GPM6A: variants seen among roughly 807,000 people sequenced by gnomAD.
GPM6A encodes the protein neuronal membrane glycoprotein M6-a.
GPM6A carries 7 observed loss-of-function variants against 32.1 expected under a neutral mutation model. That is an observed-to-expected ratio of 0.22 (90% confidence interval 0.12 to 0.41). The LOEUF is 0.41. Ranked by LOEUF, GPM6A falls within the 10% of genes least tolerant of loss-of-function variation. The probability of loss-of-function intolerance (pLI) is 1.00; values close to 1 mark genes in which losing one functional copy is unlikely to be tolerated. For missense variants in GPM6A, 235 were observed against 347.2 expected (o/e 0.68, Z 2.57); for synonymous variants, 130 against 123.4 (o/e 1.05, Z -0.35).
intron 1 of GPM6A, among the ~76,000 whole-genome samples, chr4:175,782,262 G>T (rs1410945931): frequency 2.0e-5 from 3 of 151,954 alleles, no homozygotes; most frequent in African/African-American, 4.8e-5. Flanking sequence ...GTTTCTCAAC[G>T]ATTTTTTTCC....
intron 3 of GPM6A, among the ~76,000 whole-genome samples, chr4:175,672,725 T>C (rs1457572168): frequency 6.6e-6 from 1 of 152,194 alleles, no homozygotes; most frequent in African/African-American, 2.4e-5. Flanking sequence ...GGTGTTACAA[T>C]AAGTTTTGTC....
intron 1 of GPM6A, among the ~76,000 whole-genome samples, chr4:175,829,946 C>T (rs1396532608): frequency 2.0e-5 from 3 of 151,864 alleles, no homozygotes; most frequent in South Asian, 2.1e-4. Flanking sequence ...TTATAATTGC[C>T]GTAATCTGGG....
chr4:175,698,143 C>A (rs1333141686), intron 2 of GPM6A, among the ~76,000 whole-genome samples: 1 of 152,046 alleles, frequency 6.6e-6, no homozygotes, highest in Non-Finnish European at 1.5e-5. Flanking sequence ...AAGTAGGTAA[C>A]TCCTCAAATC....
At chr4:175,670,280 T>C (rs1349617440) in intron 3 of GPM6A, among the ~76,000 whole-genome samples, 1 of 152,170 alleles carries the variant, frequency 6.6e-6, no homozygotes, top group African/African-American at 2.4e-5. Context: ...AAAATCTAAA[T>C]TTCAGAAGAA....
intron 1 of GPM6A, among the ~76,000 whole-genome samples, chr4:175,779,844 A>T (rs971623247): frequency 4.6e-5 from 7 of 152,160 alleles, no homozygotes; most frequent in African/African-American, 1.7e-4. Context: ...AAAAGGAGAT[A>T]AGAGAATAAT....
chr4:175,982,190 G>A lies in GPM6A; in HGVS notation c.-23+20119C>T, dbSNP rs151277445. 5.6e-3 allele frequency among the ~76,000 whole-genome samples: 846 copies of A among 151,976 alleles called. 3 individuals carry two copies. The highest frequency in any genetic ancestry group is 0.014 in the Middle Eastern group (4 of 294). The stretch of plus-strand genomic sequence containing the variant: ...TCGCAAATGATTTCCCCCAGTATAC[G>A]GTTTGTCATTTCATTTCCTTAATGT... On this transcript the variant is annotated intron_variant, in intron 1 of 7. Transcript: ENST00000280187.
intron 1 of GPM6A, among the ~76,000 whole-genome samples, chr4:175,838,358 AT>A (rs1315773032): frequency 2.7e-5 from 4 of 149,208 alleles, no homozygotes; most frequent in African/African-American, 4.9e-5. Flanking sequence ...CTCATGATGC[AT>A]TTCAAGTTCA....
At chr4:175,720,167 G>T (rs1486418604) in intron 1 of GPM6A, among the ~76,000 whole-genome samples, 2 of 152,112 alleles carry the variant, frequency 1.3e-5, no homozygotes, top group Non-Finnish European at 1.5e-5. Flanking sequence ...TGAAAATAAA[G>T]GTTTCCAGAG....
At chr4:175,672,896 T>C (rs765886059) in intron 3 of GPM6A, among the ~76,000 whole-genome samples, 45 of 152,196 alleles carry the variant, frequency 3.0e-4, no homozygotes, top group Non-Finnish European at 4.6e-4. Context: ...GGTTTGCTGG[T>C]AAACAGGCAT....
At chr4:175,972,305 T>A (rs958411367) in intron 1 of GPM6A, among the ~76,000 whole-genome samples, 1 of 152,256 alleles carries the variant, frequency 6.6e-6, no homozygotes, top group African/African-American at 2.4e-5. Flanking sequence ...ATTATTTATT[T>A]TGCTCAAAAG....
chr4:175,851,063 A>G (rs73010124), intron 1 of GPM6A, among the ~76,000 whole-genome samples: 4,714 of 152,174 alleles, frequency 0.031, 235 homozygotes, highest in African/African-American at 0.11. Context: ...TGTTTTCTGA[A>G]GACTGTAGCC....
intron 1 of GPM6A, among the ~76,000 whole-genome samples, chr4:175,756,026 G>A (rs1282812497): frequency 6.6e-6 from 1 of 152,128 alleles, no homozygotes; most frequent in East Asian, 1.9e-4. Flanking sequence ...AGAAAGAAGA[G>A]GAGGAGAGAA....
At chr4:175,715,232 C>A (rs895716917) in intron 1 of GPM6A, among the ~76,000 whole-genome samples, 3 of 152,148 alleles carry the variant, frequency 2.0e-5, no homozygotes, top group Non-Finnish European at 4.4e-5. Flanking sequence ...TGTGTGTTTG[C>A]CATTTATTGC....
intron 1 of GPM6A, among the ~76,000 whole-genome samples, chr4:175,834,121 C>T (rs1455789919): frequency 6.6e-6 from 1 of 151,090 alleles, no homozygotes; most frequent in African/African-American, 2.4e-5. Context: ...ACTACCCAAC[C>T]GAGAGAGATG....
chr4:176,000,897 G>A (rs1741455603), intron 1 of GPM6A, among the ~76,000 whole-genome samples: 1 of 152,080 alleles, frequency 6.6e-6, no homozygotes, highest in African/African-American at 2.4e-5. Context: ...TTTTTAACCT[G>A]AAAATACTCC....
At chr4:175,705,968 C>T (rs993387942) in intron 1 of GPM6A, among the ~76,000 whole-genome samples, 1 of 152,094 alleles carries the variant, frequency 6.6e-6, no homozygotes, top group Non-Finnish European at 1.5e-5. Flanking sequence ...ATGTTCTAGT[C>T]ACTACCTATA....
intron 1 of GPM6A, among the ~76,000 whole-genome samples, chr4:175,931,671 TACACACACAC>T (rs376901123): frequency 6.6e-4 from 90 of 136,590 alleles, no homozygotes; most frequent in African/African-American, 2.3e-3. Flanking sequence ...TTAAAAAATA[TACACACACAC>T]ACACACACAC....
chr4:175,950,618 AGGACAATCT>A (rs1340777116), intron 1 of GPM6A, among the ~76,000 whole-genome samples: 1 of 152,194 alleles, frequency 6.6e-6, no homozygotes, highest in Non-Finnish European at 1.5e-5. Flanking sequence ...AAAAGAACCT[AGGACAATCT>A]GCTGCAGTCA....
At chr4:175,970,506 T>C (rs1740469225) in intron 1 of GPM6A, among the ~76,000 whole-genome samples, 1 of 152,194 alleles carries the variant, frequency 6.6e-6, no homozygotes, top group Non-Finnish European at 1.5e-5. Context: ...CTGACAAACG[T>C]TTATAAAATA....
Sources: allele counts gnomAD v4.1 joint callset (sites outside exome capture counted in the v4.1 genomes callset), GRCh38; gene constraint gnomAD v4.1.1; transcripts MANE v1.5; gene names NCBI Gene and HGNC (gene_info 2026-07-23, HGNC 2026-07-21).